DNER: variants seen among roughly 807,000 people sequenced by gnomAD.
The protein encoded by DNER is delta/notch like EGF repeat containing.
Under a neutral mutation model 78.2 loss-of-function variants are expected in DNER, and 33 were observed. The observed-to-expected ratio is 0.42, with a 90% CI of 0.32 to 0.56. The LOEUF is 0.56. Among genes scored for constraint, DNER ranks in the 20% least tolerant of loss-of-function variants. DNER has a pLI of 0.11. For missense variants in DNER, 918 were observed against 975.3 expected (o/e 0.94, Z 0.78); for synonymous variants, 417 against 384.8 (o/e 1.08, Z -0.98).
intron 10 of DNER, among the ~76,000 whole-genome samples, chr2:229,400,945 G>A (rs1044149821): frequency 6.6e-6 from 1 of 151,970 alleles, no homozygotes; most frequent in Admixed American, 6.6e-5. Context: ...CAACATCAAC[G>A]TCAATGATCA....
At chr2:229,496,476 A>G (rs183206265) in intron 6 of DNER, among the ~76,000 whole-genome samples, 1 of 152,318 alleles carries the variant, frequency 6.6e-6, no homozygotes, top group East Asian at 1.9e-4. Context: ...TTTTGAATGT[A>G]CATGGATTAA....
intron 4 of DNER, among the ~76,000 whole-genome samples, chr2:229,547,370 T>C (rs1574896412): frequency 6.6e-6 from 1 of 152,314 alleles, no homozygotes; most frequent in East Asian, 1.9e-4. Context: ...CCACCTCAGA[T>C]CCTTTCGCTT....
intron 7 of DNER, among the ~76,000 whole-genome samples, chr2:229,456,644 A>C (rs1219656208): frequency 6.6e-6 from 1 of 152,048 alleles, no homozygotes; most frequent in Non-Finnish European, 1.5e-5. Context: ...TGAATAACAG[A>C]CACAAGTGAA....
In DNER at chr2:229,645,158, G is replaced by A. The variant is rs146197727; in HGVS notation, c.277-53270C>T. ...ACTATAGGCACACACCACCACACCC[G>A]GTTAAATTTTTTTTATTTGTATTTT... On this transcript the variant is annotated intron_variant, in intron 1 of 12. Transcript: ENST00000341772. Among the ~76,000 whole-genome samples the A allele has an allele frequency of 1.8e-4, 28 of 152,130 alleles. No individual in the cohort carries two copies. The East Asian group carries it at 3.7e-3, about 20-fold the overall frequency.
chr2:229,537,435 C>T (rs2154212974), intron 5 of DNER, among the ~76,000 whole-genome samples: 1 of 152,308 alleles, frequency 6.6e-6, no homozygotes, highest in Non-Finnish European at 1.5e-5. Context: ...AGAAATCTCA[C>T]TTCATTCTTG....
chr2:229,560,609 G>C (rs913229622), intron 4 of DNER, among the ~76,000 whole-genome samples: 2 of 152,170 alleles, frequency 1.3e-5, no homozygotes, highest in African/African-American at 4.8e-5. Flanking sequence ...TAAGGTTAGT[G>C]CAAAGCTAAT....
intron 8 of DNER, among the ~76,000 whole-genome samples, chr2:229,429,859 A>C (rs1393696445): frequency 6.6e-6 from 1 of 152,134 alleles, no homozygotes; most frequent in Non-Finnish European, 1.5e-5. Context: ...CCATCCCCTG[A>C]GATTAACCTC....
rs1216394696 is a variant in DNER, at chr2:229,585,919, C to A, written c.786G>T (p.Gln262His). The change falls in exon 4 of 13, where the codon CAG (glutamine) becomes CAT (histidine). Residue 262 changes from glutamine (Q) to histidine (H), a missense_variant. Physicochemically the swap from Gln to His is conservative, Grantham distance 24. Coordinates refer to ENST00000341772, the MANE Select transcript of DNER (RefSeq NM_139072.4). ...CCAGGAGGACCAGTCCCCCTGAAGCCTGAAGGGGGGTCACACTTCGTCCAT... is the reference window on the plus strand; with the variant it reads ...CCAGGAGGACCAGTCCCCCTGAAGCATGAAGGGGGGTCACACTTCGTCCAT... ...LIDGRSVTPL[Q>H]ASGGLVLLEE... The A allele has an allele frequency of 6.2e-7, 1 of 1,613,986 alleles. No individual in the cohort carries two copies. The highest frequency in any genetic ancestry group is 8.5e-7 in the Non-Finnish European group (1 of 1,180,018).
chr2:229,557,976 C>T (rs1462063667), intron 4 of DNER, among the ~76,000 whole-genome samples: 1 of 152,126 alleles, frequency 6.6e-6, no homozygotes, highest in Admixed American at 6.6e-5. Flanking sequence ...TGAAATCAGC[C>T]TAAATGCTCA....
chr2:229,403,125 C>T (rs1693303733), intron 10 of DNER, among the ~76,000 whole-genome samples: 3 of 152,210 alleles, frequency 2.0e-5, no homozygotes, highest in Admixed American at 1.3e-4. Context: ...TTGCCCGATT[C>T]ACTCCACTCG....
At chr2:229,630,882 A>G (rs1353532805) in intron 1 of DNER, among the ~76,000 whole-genome samples, 2 of 152,148 alleles carry the variant, frequency 1.3e-5, no homozygotes, top group Non-Finnish European at 2.9e-5. Flanking sequence ...AAGTGAGAAC[A>G]TGTGGCATTT....
chr2:229,565,350 A>G (rs1697084583), intron 4 of DNER, among the ~76,000 whole-genome samples: 1 of 152,196 alleles, frequency 6.6e-6, no homozygotes, highest in Non-Finnish European at 1.5e-5. Context: ...ATAATGTCCA[A>G]ATAAAAGCAT....
In DNER at chr2:229,418,161, G is replaced by T; in HGVS notation, c.1556C>A (p.Thr519Asn). The T allele has an allele frequency of 6.2e-7, 1 of 1,614,164 alleles. No individual in the cohort carries two copies. ...CLSAPCLNAA[T>N]CRDLVNGYEC... ...ATAGCCATTAACGAGGTCCCTGCAG[G>T]TGGCTGCATTCAGGCATGGAGCGGA... The change falls in exon 9 of 13, where the codon ACC (threonine) becomes AAC (asparagine). Residue 519 changes from threonine to asparagine, a missense_variant. Thr to Asn is a moderately conservative substitution (Grantham distance 65). Coordinates refer to ENST00000341772, the MANE Select transcript of DNER (RefSeq NM_139072.4).
chr2:229,391,835 G>A (rs564807223), intron 10 of DNER, among the ~76,000 whole-genome samples: 1 of 152,198 alleles, frequency 6.6e-6, no homozygotes, highest in African/African-American at 2.4e-5. Flanking sequence ...GAGCCACCAT[G>A]CCCAGCCAAA....
intron 4 of DNER, among the ~76,000 whole-genome samples, chr2:229,564,835 G>T (rs992675462): frequency 6.6e-6 from 1 of 152,142 alleles, no homozygotes; most frequent in Non-Finnish European, 1.5e-5. Flanking sequence ...TAGACTGATG[G>T]CTTTAAAACA....
intron 4 of DNER, among the ~76,000 whole-genome samples, chr2:229,558,265 A>G (rs879472792): frequency 6.6e-6 from 1 of 152,162 alleles, no homozygotes; most frequent in Non-Finnish European, 1.5e-5. Flanking sequence ...ATCAGGAAGA[A>G]TAACTAATGA....
intron 12 of DNER, 150 bp downstream of exon 12, chr2:229,366,723 G>T (rs1044249087): frequency 1.8e-5 from 23 of 1,247,878 alleles, no homozygotes; most frequent in Non-Finnish European, 2.4e-5. Context: ...TCAAGTGGTC[G>T]AATGATCTAT....
At chr2:229,467,231 G>T (rs1435339794) in intron 7 of DNER, among the ~76,000 whole-genome samples, 1 of 152,098 alleles carries the variant, frequency 6.6e-6, no homozygotes, top group Non-Finnish European at 1.5e-5. Context: ...ATGTAATTAG[G>T]CCAATTTTAA....
intron 8 of DNER, among the ~76,000 whole-genome samples, chr2:229,436,415 A>G (rs1694120517): frequency 6.6e-6 from 1 of 152,180 alleles, no homozygotes; most frequent in Non-Finnish European, 1.5e-5. Flanking sequence ...GAACATATGT[A>G]TGTATGTGTC....
Sources: allele counts gnomAD v4.1 joint callset (sites outside exome capture counted in the v4.1 genomes callset), GRCh38; gene constraint gnomAD v4.1.1; transcripts MANE v1.5; gene names NCBI Gene and HGNC (gene_info 2026-07-23, HGNC 2026-07-21).